Variants in DPH1 observed in about 807,000 individuals in gnomAD.
The protein encoded by DPH1 is 2-(3-amino-3-carboxypropyl)histidine synthase subunit 1.
Under a neutral mutation model 55.3 loss-of-function variants are expected in DPH1, and 59 were observed. The ratio of observed to expected loss-of-function variants is 1.07; its 90% CI spans 0.87 to 1.33. DPH1 has a LOEUF of 1.33. Among genes scored for constraint, DPH1 ranks in the 40% most tolerant of loss-of-function variants. The pLI is 0.00. For missense variants in DPH1, 628 were observed against 584.8 expected, an observed-to-expected ratio of 1.07 and a Z score of -0.76; for synonymous variants, 238 against 235.5, an observed-to-expected ratio of 1.01 and a Z score of -0.10.
Position 2,041,864 on chromosome 17 carries a change from C to A in DPH1, c.*7C>A. ...GGCGCCGCTGGCTCCTTGACGCGCTCCCGGGCCTCAGGTATCAGCCCCCGC... is the reference window on the plus strand; with the variant it reads ...GGCGCCGCTGGCTCCTTGACGCGCTACCGGGCCTCAGGTATCAGCCCCCGC... On this transcript the variant is annotated 3_prime_UTR_variant, in exon 12 of 13. Transcript: ENST00000263083. 3.2e-6 allele frequency: 5 copies of A among 1,586,692 alleles called. No homozygotes were observed. The highest frequency in any genetic ancestry group is 4.3e-6 in the Non-Finnish European group (5 of 1,169,706).
intron 3 of DPH1, 135 bp downstream of exon 3, chr17:2,033,977 A>G: frequency 1.0e-6 from 1 of 967,910 alleles, no homozygotes; most frequent in Non-Finnish European, 1.6e-6. Flanking sequence ...TCCCTCCCAC[A>G]ACCATACACA....
chr17:2,036,145 T>A lies in DPH1; in HGVS notation c.400+54T>A. On this transcript the variant is annotated intron_variant, in intron 4 of 12. Coordinates refer to ENST00000263083, the MANE Select transcript of DPH1 (RefSeq NM_001383.6). This position sits in a 1 kb window ranked among gnomAD's most constrained non-coding sequence, Gnocchi z 4.8. Reference sequence around the variant, plus strand: ...TGGCGGGGCTGGCAGGGAGGCAGGCTGCACATTCATCTTCCCCATGGCAGT... The same window carrying A: ...TGGCGGGGCTGGCAGGGAGGCAGGCAGCACATTCATCTTCCCCATGGCAGT... The A allele has an allele frequency of 6.2e-7, 1 of 1,602,034 alleles. No homozygotes were observed. Among genetic ancestry groups the A allele is most frequent in the Admixed American group, 1.7e-5 (1 of 58,980 alleles).
rs1469940038 is a variant in DPH1, at chr17:2,030,437, G to A, written c.61+207G>A. Among the ~76,000 whole-genome samples, 4 of 152,230 alleles carry A rather than the reference G, an allele frequency of 2.6e-5. No individual in the cohort carries two copies. In the East Asian group the frequency reaches 7.7e-4, roughly 29 times the overall value. On this transcript the variant is annotated intron_variant, in intron 1 of 12. Transcript: ENST00000263083. Reference sequence around the variant, plus strand: ...TCTTTTGCAGCTTTAGGGCACGACCGAGAGCAGCCCTTAATCCTCCAATCG... The same window carrying A: ...TCTTTTGCAGCTTTAGGGCACGACCAAGAGCAGCCCTTAATCCTCCAATCG...
Position 2,042,675 on chromosome 17 carries a change from A to C in DPH1, c.*89A>C, listed in dbSNP as rs1211833213. The stretch of plus-strand genomic sequence containing the variant: ...AGCAGGAGGCCGACGTTTTCTCCGC[A>C]TTGGAAGAGCCCGCCGTCTGCAGGG... On this transcript the variant is annotated 3_prime_UTR_variant, in exon 13 of 13. Coordinates refer to ENST00000263083, the MANE Select transcript of DPH1 (RefSeq NM_001383.6). The C allele has an allele frequency of 6.6e-7, 1 of 1,526,124 alleles. No homozygotes were observed. Among genetic ancestry groups the C allele is most frequent in the Non-Finnish European group, 8.8e-7 (1 of 1,140,240 alleles). 94.5% of individuals were successfully genotyped at this position (1,526,124 alleles called of 1,614,324 possible).
At chr17:2,041,064 G>A in intron 9 of DPH1, 39 bp from the exon 10 acceptor site, 6 of 1,569,334 alleles carry the variant, frequency 3.8e-6, no homozygotes, top group Non-Finnish European at 5.2e-6. Flanking sequence ...GGGCGACGAG[G>A]AGGCCCTTCC....
chr17:2,040,898 C>G (rs537072464), intron 9 of DPH1: 1 of 657,910 alleles, frequency 1.5e-6, no homozygotes, highest in Non-Finnish European at 2.7e-6. Context: ...GTGAGCTGCC[C>G]TGGAAAGCTC....
Position 2,040,588 on chromosome 17 carries a change from A to G in DPH1, c.990A>G (p.Leu330=), listed in dbSNP as rs2151354542. The G allele has an allele frequency of 1.2e-6, 2 of 1,614,170 alleles. No individual in the cohort carries two copies. Among genetic ancestry groups the G allele is most frequent in the East Asian group, 4.5e-5 (2 of 44,890 alleles). ...LSEIFPSKLS[L]LPEVDVWVQV... Reference sequence around the variant, plus strand: ...AGATCTTCCCCAGCAAGCTTAGCCTACTTCCTGAGGTGGATGTGTGAGTAT... The same window carrying G: ...AGATCTTCCCCAGCAAGCTTAGCCTGCTTCCTGAGGTGGATGTGTGAGTAT... The change falls in exon 9 of 13, where the codon CTA becomes CTG. Residue 330 remains leucine, a synonymous_variant. Transcript: ENST00000263083.
In DPH1 at chr17:2,043,432, G is replaced by A. The variant is rs1271149139; in HGVS notation, c.*846G>A. 5 of 279,050 alleles carry A rather than the reference G, an allele frequency of 1.8e-5. No individual in the cohort carries two copies. Among genetic ancestry groups the A allele is most frequent in the Non-Finnish European group, 3.4e-5 (5 of 148,256 alleles). 17.3% of individuals were successfully genotyped at this position (279,050 alleles called of 1,614,324 possible). On this transcript the variant is annotated 3_prime_UTR_variant, in exon 13 of 13. Transcript: ENST00000263083. ...AATAAAGTGGTGATTTGGATTTTGAGCATCTTTTTCCTGGTACACACAGAA... is the reference window on the plus strand; with the variant it reads ...AATAAAGTGGTGATTTGGATTTTGAACATCTTTTTCCTGGTACACACAGAA...
chr17:2,035,093 A>C (rs1023587760), intron 3 of DPH1: 1 of 151,802 alleles, frequency 6.6e-6, no homozygotes, highest in African/African-American at 2.4e-5. Context: ...GCAGGAGCTC[A>C]ACTCTTCCAC....
At position 2,041,194 on chromosome 17, in the gene DPH1, T is replaced by A. The variant is rs780760687; in HGVS notation, c.1086+13T>A. 57 of 1,597,758 alleles carry A rather than the reference T, an allele frequency of 3.6e-5. No individual in the cohort carries two copies. The South Asian group carries it at 5.4e-4, about 15-fold the overall frequency. ...GACACCCTATGAGGTAACACCAAGC[T>A]CTGGGAGAGAGTGGGCTTTGGACGT... On this transcript the variant is annotated intron_variant, in intron 10 of 12. Transcript: ENST00000263083.
Position 2,040,584 on chromosome 17 carries a change from G to C in DPH1, c.986G>C (p.Ser329Thr). Residue 329 changes from serine to threonine, a missense_variant, in exon 9 of 13, where the codon AGC (serine) becomes ACC (threonine). Ser to Thr is a moderately conservative substitution (Grantham distance 58, BLOSUM62 1). Transcript: ENST00000263083. ...TCTGAGATCTTCCCCAGCAAGCTTA[G>C]CCTACTTCCTGAGGTGGATGTGTGA... ...LLSEIFPSKL[S>T]LLPEVDVWVQ... 2.5e-6 allele frequency: 4 copies of C among 1,614,184 alleles called. No individual in the cohort carries two copies. The highest frequency in any genetic ancestry group is 2.5e-6 in the Non-Finnish European group (3 of 1,180,010).
intron 1 of DPH1, 93 bp downstream of exon 1, chr17:2,030,323 C>A: frequency 7.3e-7 from 1 of 1,374,252 alleles, no homozygotes; most frequent in South Asian, 1.5e-5. Context: ...ACGGCGGCGG[C>A]GCCTTTCTCC....
chr17:2,035,897 C>T lies in DPH1; in HGVS notation c.279-73C>T, dbSNP rs1426438871. On this transcript the variant is annotated intron_variant, in intron 3 of 12. Transcript: ENST00000263083. ...GAGAGGAGCTGGGCCCTGAGACACCCTCCCAGGGTTGGGTCTCTCCTACCT... is the reference window on the plus strand; with the variant it reads ...GAGAGGAGCTGGGCCCTGAGACACCTTCCCAGGGTTGGGTCTCTCCTACCT... The T allele has an allele frequency of 1.2e-5, 19 of 1,591,412 alleles. No individual in the cohort carries two copies. In the East Asian group the frequency reaches 4.0e-4, roughly 34 times the overall value.
chr17:2,030,627 G>A (rs1453453810), intron 1 of DPH1, among the ~76,000 whole-genome samples: 1 of 152,210 alleles, frequency 6.6e-6, no homozygotes, highest in Non-Finnish European at 1.5e-5. Flanking sequence ...AGCGCCCACC[G>A]AATGCCAGGC....
intron 11 of DPH1, 68 bp from the exon 12 acceptor site, chr17:2,041,700 A>C: frequency 6.3e-7 from 1 of 1,579,456 alleles, no homozygotes; most frequent in Non-Finnish European, 8.6e-7. Context: ...CGGGAAACGC[A>C]CAGGAGCGGA....
intron 3 of DPH1, chr17:2,035,097 C>A (rs952065023): frequency 1.3e-5 from 2 of 151,934 alleles, no homozygotes; most frequent in African/African-American, 4.8e-5. Context: ...GAGCTCAACT[C>A]TTCCACTGCC....
At chr17:2,037,497 CACAGGCCTGACACCCCTGTCCCTAG>C (rs1476447118) in intron 6 of DPH1, among the ~76,000 whole-genome samples, 14 of 152,110 alleles carry the variant, frequency 9.2e-5, no homozygotes, top group Non-Finnish European at 2.1e-4. Context: ...AGGCTGTTTC[CACAGGCCTGACACCCCTGTCCCTAG>C]ACAGGCCCAC....
intron 1 of DPH1, 52 bp from the exon 2 acceptor site, chr17:2,033,453 A>G (rs771423571): frequency 6.2e-7 from 1 of 1,612,278 alleles, no homozygotes; most frequent in Non-Finnish European, 8.5e-7. Flanking sequence ...TTCCATCTCA[A>G]TCTGGCTTCA....
Position 2,033,605 on chromosome 17 carries a change from C to CT in DPH1, c.165dup (p.Glu56Ter). On this transcript the variant is annotated frameshift_variant, in exon 2 of 13. Coordinates refer to ENST00000263083, the MANE Select transcript of DPH1 (RefSeq NM_001383.6). LOFTEE classifies it high-confidence loss of function. Reference sequence around the variant, plus strand: ...TCCGGGTCCTGCCTTCCAACTACAACTTTGAGATCCCCAAGACCATCTGGA... The same window carrying CT: ...TCCGGGTCCTGCCTTCCAACTACAACTTTTGAGATCCCCAAGACCATCTGGA... 6.2e-7 allele frequency: 1 copy of CT among 1,614,246 alleles called. No individual in the cohort carries two copies. Among genetic ancestry groups the CT allele is most frequent in the South Asian group, 1.1e-5 (1 of 91,084 alleles).
Sources: allele counts gnomAD v4.1 joint callset (sites outside exome capture counted in the v4.1 genomes callset), GRCh38; gene constraint gnomAD v4.1.1; non-coding constraint Gnocchi (gnomAD v3.1); transcripts MANE v1.5; gene names NCBI Gene and HGNC (gene_info 2026-07-23, HGNC 2026-07-21).